USP12: variants seen among roughly 807,000 people sequenced by gnomAD.
USP12 encodes ubiquitin specific peptidase 12.
In USP12, 19 loss-of-function variants were observed where a neutral mutation model predicts 45.5. The observed-to-expected ratio is 0.42, with a 90% CI of 0.29 to 0.61. USP12 has a LOEUF of 0.61. USP12 is among the 20% of genes least tolerant of loss of function. The pLI, the probability that USP12 is intolerant of heterozygous loss-of-function variation, is 0.22. For missense variants in USP12, 242 were observed against 447.7 expected (o/e 0.54, Z 4.15); for synonymous variants, 149 against 148.8 (o/e 1.00, Z -0.01).
intron 3 of USP12, 126 bp from the exon 4 acceptor site, chr13:27,095,956 G>A (rs1874561177): frequency 1.6e-6 from 1 of 637,788 alleles, no homozygotes; most frequent in Non-Finnish European, 2.4e-6. Flanking sequence ...TTTTTGTAAT[G>A]TATAACAAAT....
intron 6 of USP12, among the ~76,000 whole-genome samples, chr13:27,087,122 T>TGTGC (rs1555233325): frequency 1.5e-4 from 23 of 151,126 alleles, no homozygotes; most frequent in African/African-American, 2.2e-4. Context: ...TGTGTGTGTG[T>TGTGC]GCGTGTGTGA....
chr13:27,158,033 A>C lies in USP12; in HGVS notation c.48+13559T>G, dbSNP rs150605165. ...TTGCGCCATTAGTTTTACTGGGTGAACTGTGTTCCCTAATAAAGGTACGTT... is the reference window on the plus strand; with the variant it reads ...TTGCGCCATTAGTTTTACTGGGTGACCTGTGTTCCCTAATAAAGGTACGTT... On this transcript the variant is annotated intron_variant, in intron 1 of 8. Coordinates refer to ENST00000282344, the MANE Select transcript of USP12 (RefSeq NM_182488.4). Among the ~76,000 whole-genome samples the C allele has an allele frequency of 5.7e-3, 867 of 152,322 alleles. 2 individuals carry two copies. The highest frequency in any genetic ancestry group is 0.01 in the Middle Eastern group (3 of 294).
rs117055630 is a variant in USP12, at chr13:27,144,747, G to T, written c.48+26845C>A. 5.5e-3 allele frequency among the ~76,000 whole-genome samples: 794 copies of T among 145,324 alleles called. 10 individuals carry two copies. The East Asian group carries it at 0.071, about 13-fold the overall frequency. On this transcript the variant is annotated intron_variant, in intron 1 of 8. Coordinates refer to ENST00000282344, the MANE Select transcript of USP12 (RefSeq NM_182488.4). ...TTTTTTGGAAGTTTTGTTTTTTGTT[G>T]TTTTTTTTTTTTCCCCCAGAAATCG... is the stretch of plus-strand genomic sequence containing the variant.
chr13:27,139,685 A>C (rs553542049), intron 1 of USP12, among the ~76,000 whole-genome samples: 3 of 152,350 alleles, frequency 2.0e-5, no homozygotes, highest in Admixed American at 6.5e-5. Context: ...TAGCAATTTC[A>C]TACATGCAAG....
At chr13:27,158,412 G>A (rs1378014181) in intron 1 of USP12, among the ~76,000 whole-genome samples, 1 of 152,186 alleles carries the variant, frequency 6.6e-6, no homozygotes, top group African/African-American at 2.4e-5. Flanking sequence ...ATAAATTTCT[G>A]TTACAGGCAT....
chr13:27,153,152 C>T (rs755514286), intron 1 of USP12, among the ~76,000 whole-genome samples: 2 of 151,246 alleles, frequency 1.3e-5, no homozygotes, highest in Non-Finnish European at 1.5e-5. Context: ...GCCAACATGG[C>T]GAAACCCTGT....
At chr13:27,122,360 T>A (rs193282556) in intron 1 of USP12, among the ~76,000 whole-genome samples, 1 of 152,284 alleles carries the variant, frequency 6.6e-6, no homozygotes, top group East Asian at 1.9e-4. Context: ...GCCTTTCACC[T>A]CCTCCCATGA....
intron 6 of USP12, among the ~76,000 whole-genome samples, chr13:27,086,159 G>A (rs1369522890): frequency 9.0e-6 from 1 of 111,452 alleles, no homozygotes; most frequent in Non-Finnish European, 1.8e-5. Context: ...GACAGAGAGA[G>A]ATCTTTTGTC....
intron 3 of USP12, among the ~76,000 whole-genome samples, chr13:27,099,210 C>G (rs1015073186): frequency 1.3e-4 from 20 of 152,292 alleles, no homozygotes; most frequent in Admixed American, 2.6e-4. Flanking sequence ...GCAGAGAGCA[C>G]TCAGGGAAAC....
intron 1 of USP12, among the ~76,000 whole-genome samples, chr13:27,171,264 CG>C (rs1878591252): frequency 1.3e-5 from 2 of 150,168 alleles, no homozygotes; most frequent in African/African-American, 4.9e-5. Context: ...CCCCGCGTCC[CG>C]AGCGGACCCC....
chr13:27,168,435 C>G (rs981399152), intron 1 of USP12, among the ~76,000 whole-genome samples: 3 of 152,192 alleles, frequency 2.0e-5, no homozygotes, highest in Admixed American at 6.5e-5. Flanking sequence ...TGACGGACCA[C>G]CCGGATTAGC....
intron 4 of USP12, among the ~76,000 whole-genome samples, chr13:27,093,913 G>C (rs966432777): frequency 2.6e-5 from 4 of 152,166 alleles, no homozygotes; most frequent in African/African-American, 9.7e-5. Flanking sequence ...TTGCTAAGTG[G>C]AAGAAGCTAA....
Position 27,171,778 on chromosome 13 carries a change from CCGCTGCCGT to C in USP12, c.-148_-140del, listed in dbSNP as rs1878648663. ...CCCAACCACCGAGCCCGCTGGGCCG[CCGCTGCCGT>C]CGTCGCCGCCGGCGCTCAGGCACTC... On this transcript the variant is annotated 5_prime_UTR_variant, in exon 1 of 9. Coordinates refer to ENST00000282344, the MANE Select transcript of USP12 (RefSeq NM_182488.4). The C allele has an allele frequency of 3.0e-6, 1 of 332,862 alleles. No homozygotes were observed. Among genetic ancestry groups the C allele is most frequent in the Admixed American group, 6.6e-5 (1 of 15,074 alleles). 20.6% of individuals were successfully genotyped at this position (332,862 alleles called of 1,614,324 possible).
At chr13:27,139,380 C>G (rs868765261) in intron 1 of USP12, among the ~76,000 whole-genome samples, 1 of 152,172 alleles carries the variant, frequency 6.6e-6, no homozygotes, top group Non-Finnish European at 1.5e-5. Context: ...CTTTGGAAGG[C>G]GGAGGCGGGA....
intron 1 of USP12, among the ~76,000 whole-genome samples, chr13:27,159,512 T>C (rs1319003140): frequency 6.6e-6 from 1 of 152,226 alleles, no homozygotes; most frequent in Non-Finnish European, 1.5e-5. Context: ...TCCAGCCTTC[T>C]CTATCAATAT....
At chr13:27,109,932 C>A (rs1438523953) in intron 2 of USP12, among the ~76,000 whole-genome samples, 1 of 104,966 alleles carries the variant, frequency 9.5e-6, no homozygotes, top group African/African-American at 3.4e-5. Context: ...AAAAAGTCAT[C>A]TTTGAGACAA....
At chr13:27,095,962 C>T (rs1874561770) in intron 3 of USP12, 132 bp from the exon 4 acceptor site, 3 of 610,976 alleles carry the variant, frequency 4.9e-6, no homozygotes, top group Non-Finnish European at 7.7e-6. Flanking sequence ...TAATGTATAA[C>T]AAATAACTTT....
In USP12 at chr13:27,066,724, G is replaced by A. The variant is rs1278225369; in HGVS notation, c.*2559C>T. On this transcript the variant is annotated 3_prime_UTR_variant, in exon 9 of 9. Coordinates refer to ENST00000282344, the MANE Select transcript of USP12 (RefSeq NM_182488.4). ...ATTTTTATTCCAATATACAAAATAT[G>A]GGACAGCCATCCCAACAATCATGTA... 6.6e-6 allele frequency: 1 copy of A among 152,034 alleles called. No homozygotes were observed. Among genetic ancestry groups the A allele is most frequent in the Non-Finnish European group, 1.5e-5 (1 of 67,996 alleles). 9.4% of individuals were successfully genotyped at this position (152,034 alleles called of 1,614,324 possible).
At chr13:27,102,980 C>T (rs73155882) in intron 3 of USP12, among the ~76,000 whole-genome samples, 7,146 of 152,294 alleles carry the variant, frequency 0.047, 200 homozygotes, top group African/African-American at 0.056. Flanking sequence ...CAACAGTCCT[C>T]TTATGCTATG....
Sources: allele counts gnomAD v4.1 joint callset (sites outside exome capture counted in the v4.1 genomes callset), GRCh38; gene constraint gnomAD v4.1.1; transcripts MANE v1.5; gene names NCBI Gene and HGNC (gene_info 2026-07-23, HGNC 2026-07-21).